The following HCRTR2 variants were observed in gnomAD, a reference collection of about 807,000 sequenced individuals.
HCRTR2 encodes the protein hypocretin receptor 2, also known as orexin receptor type 2.
Under a neutral mutation model 49.0 loss-of-function variants are expected in HCRTR2, and 22 were observed. The observed-to-expected ratio is 0.45, with a 90% CI of 0.32 to 0.64. The LOEUF is 0.64. HCRTR2 is among the 30% of genes least tolerant of loss of function. The pLI is 0.04. For missense variants in HCRTR2, 491 were observed against 559.4 expected (o/e 0.88, Z 1.23); for synonymous variants, 236 against 205.3 (o/e 1.15, Z -1.28).
chr6:55,187,104 C>T (rs994692237), intron 1 of HCRTR2, among the ~76,000 whole-genome samples: 2 of 151,754 alleles, frequency 1.3e-5, no homozygotes, highest in African/African-American at 4.8e-5. Flanking sequence ...TGTAACCTCA[C>T]CCAGAGAAAG....
chr6:55,116,055 AT>A (rs951729294), intron 1 of HCRTR2, among the ~76,000 whole-genome samples: 2 of 151,218 alleles, frequency 1.3e-5, no homozygotes, highest in African/African-American at 2.4e-5. Flanking sequence ...AGACATTTCC[AT>A]TTTTTTTAAC....
chr6:55,264,001 A>G (rs1766818176), intron 4 of HCRTR2, 179 bp downstream of exon 4: 1 of 597,618 alleles, frequency 1.7e-6, no homozygotes, highest in Admixed American at 2.8e-5. Context: ...GTTCTTTTAA[A>G]GTAATGAGAA....
At chr6:55,224,145 T>G (rs1765951792) in intron 1 of HCRTR2, among the ~76,000 whole-genome samples, 1 of 152,224 alleles carries the variant, frequency 6.6e-6, no homozygotes, top group African/African-American at 2.4e-5. Context: ...TTAAATAAAT[T>G]TTGTTTTATA....
rs139652576 is a variant in HCRTR2, at chr6:55,188,569, C to G, written c.223+13759C>G. ...AAATAAAGCATCCTGAACCAACGCA[C>G]TGACTTTCTAGGGCTTATCTAATTT... On this transcript the variant is annotated intron_variant, in intron 1 of 6. Transcript: ENST00000370862. Among the ~76,000 whole-genome samples the G allele has an allele frequency of 3.7e-4, 56 of 152,324 alleles. No homozygotes were observed. The East Asian group carries it at 6.2e-3, about 17-fold the overall frequency.
chr6:55,224,715 A>G lies in HCRTR2; in HGVS notation c.224-23924A>G, dbSNP rs1765968922. On this transcript the variant is annotated intron_variant, in intron 1 of 6. Coordinates refer to ENST00000370862, the MANE Select transcript of HCRTR2 (RefSeq NM_001384272.1). ...AAAGAAGGAAACCCTGTCATTTGCAACAACATGGATGAACCTGAAAAACAT... is the reference window on the plus strand; with the variant it reads ...AAAGAAGGAAACCCTGTCATTTGCAGCAACATGGATGAACCTGAAAAACAT... Among the ~76,000 whole-genome samples, 3 of 152,292 alleles carry G rather than the reference A, an allele frequency of 2.0e-5. No individual in the cohort carries two copies. In the South Asian group the frequency reaches 6.2e-4, roughly 32 times the overall value.
intron 1 of HCRTR2, among the ~76,000 whole-genome samples, chr6:55,134,333 C>T (rs995269771): frequency 1.3e-5 from 2 of 151,550 alleles, no homozygotes; most frequent in Non-Finnish European, 3.0e-5. Flanking sequence ...ATTTATTTTT[C>T]CAGGTTTATT....
chr6:55,189,015 T>C (rs1458704172), intron 1 of HCRTR2, among the ~76,000 whole-genome samples: 1 of 152,196 alleles, frequency 6.6e-6, no homozygotes. Context: ...ATTCCAAAAA[T>C]CATTCAGGGA....
upstream of HCRTR2, among the ~76,000 whole-genome samples, chr6:55,173,770 T>C (rs546698226): frequency 2.0e-5 from 3 of 152,336 alleles, no homozygotes; most frequent in African/African-American, 7.2e-5. Context: ...CTATCGCAAA[T>C]ACAAATTCCA....
intron 1 of HCRTR2, among the ~76,000 whole-genome samples, chr6:55,169,269 C>A (rs576752955): frequency 2.0e-4 from 31 of 151,542 alleles, no homozygotes; most frequent in Admixed American, 1.8e-3. Flanking sequence ...AATATCAGAT[C>A]TAATAATGCA....
intron 1 of HCRTR2, among the ~76,000 whole-genome samples, chr6:55,153,967 CA>C (rs1302979379): frequency 1.3e-5 from 2 of 151,544 alleles, no homozygotes; most frequent in East Asian, 3.9e-4. Context: ...TTGATGTTAA[CA>C]AAAAGATCAT....
In HCRTR2 at chr6:55,154,613, A is replaced by T. The variant is rs192679911; in HGVS notation, c.-377-19598A>T. Among the ~76,000 whole-genome samples the T allele has an allele frequency of 1.4e-4, 21 of 151,958 alleles. No homozygotes were observed. The East Asian group carries it at 3.5e-3, about 25-fold the overall frequency. Reference sequence around the variant, plus strand: ...TTTTCTCTAAGATCAAGAACAAAGCAAGGATGCCCATTCTTGCTTCTATTC... The same window carrying T: ...TTTTCTCTAAGATCAAGAACAAAGCTAGGATGCCCATTCTTGCTTCTATTC... On this transcript the variant is annotated intron_variant, in intron 1 of 7. Coordinates refer to the HCRTR2 transcript ENST00000615358.
chr6:55,212,100 C>A (rs896148190), intron 1 of HCRTR2, among the ~76,000 whole-genome samples: 21 of 152,156 alleles, frequency 1.4e-4, no homozygotes, highest in African/African-American at 4.8e-4. Flanking sequence ...ATCTCAAGAT[C>A]ATGCTGAAAA....
At chr6:55,215,855 C>T (rs1026388742) in intron 1 of HCRTR2, among the ~76,000 whole-genome samples, 2 of 152,144 alleles carry the variant, frequency 1.3e-5, no homozygotes, top group Non-Finnish European at 2.9e-5. Context: ...GTGTCTCAGT[C>T]CATTTTTATT....
intron 1 of HCRTR2, among the ~76,000 whole-genome samples, chr6:55,175,644 G>A (rs1221315403): frequency 6.6e-6 from 1 of 152,020 alleles, no homozygotes; most frequent in Non-Finnish European, 1.5e-5. Flanking sequence ...TCCCGGTCTA[G>A]GTCTGTATGC....
intron 1 of HCRTR2, among the ~76,000 whole-genome samples, chr6:55,241,329 A>G (rs1408444980): frequency 2.6e-5 from 4 of 152,152 alleles, no homozygotes; most frequent in Non-Finnish European, 4.4e-5. Context: ...GTTCTACATT[A>G]TAAAAAGTAT....
At chr6:55,183,401 G>C (rs182425229) in intron 1 of HCRTR2, among the ~76,000 whole-genome samples, 67 of 152,318 alleles carry the variant, frequency 4.4e-4, no homozygotes, top group Non-Finnish European at 8.2e-4. Context: ...TATGAAGAAA[G>C]TGTTAGGCAA....
rs1766063262 is a variant in HCRTR2 at position 55,229,004 on chromosome 6, T to G, written c.224-19635T>G. 3.3e-5 allele frequency among the ~76,000 whole-genome samples: 5 copies of G among 152,150 alleles called. No homozygotes were observed. In the South Asian group the frequency reaches 1.0e-3, roughly 31 times the overall value. On this transcript the variant is annotated intron_variant, in intron 1 of 6. Transcript: ENST00000370862. Reference sequence around the variant, plus strand: ...TTCACTTCCTTGGTTACTGTGCATGTGGACGAGGCTGATTTTCATGGTGGG... The same window carrying G: ...TTCACTTCCTTGGTTACTGTGCATGGGGACGAGGCTGATTTTCATGGTGGG...
intron 1 of HCRTR2, among the ~76,000 whole-genome samples, chr6:55,186,938 A>G (rs1765225765): frequency 2.0e-5 from 3 of 152,212 alleles, no homozygotes; most frequent in Non-Finnish European, 2.9e-5. Flanking sequence ...AAAAAATAAT[A>G]ACACTTTCAG....
intron 1 of HCRTR2, among the ~76,000 whole-genome samples, chr6:55,219,976 C>T (rs1022128940): frequency 1.3e-5 from 2 of 152,080 alleles, no homozygotes; most frequent in Admixed American, 1.3e-4. Flanking sequence ...AAATACACAA[C>T]CTACCAAGAC....
Sources: allele counts gnomAD v4.1 joint callset (sites outside exome capture counted in the v4.1 genomes callset), GRCh38; gene constraint gnomAD v4.1.1; transcripts MANE v1.5; gene names NCBI Gene and HGNC (gene_info 2026-07-23, HGNC 2026-07-21).